TYW1: variants seen among roughly 807,000 people sequenced by gnomAD.
TYW1 encodes S-adenosyl-L-methionine-dependent tRNA 4-demethylwyosine synthase TYW1.
TYW1 carries 46 observed loss-of-function variants against 96.2 expected under a neutral mutation model. The observed-to-expected ratio is 0.48, with a 90% CI of 0.38 to 0.61. The LOEUF is 0.61. Ranked by LOEUF, TYW1 falls within the 20% of genes least tolerant of loss-of-function variation. The pLI, the probability that TYW1 is intolerant of heterozygous loss-of-function variation, is 0.00. For synonymous variants in TYW1, 274 were observed against 323.0 expected (o/e 0.85, Z 1.63); for missense variants, 684 against 909.6 (o/e 0.75, Z 3.19).
At chr7:67,206,622 CATAA>C (rs10622608) in intron 15 of TYW1, among the ~76,000 whole-genome samples, 16,033 of 143,344 alleles carry the variant, frequency 0.11, 974 homozygotes, top group African/African-American at 0.15. Flanking sequence ...CTGTCTCAAA[CATAA>C]ATAAATAAAT....
At chr7:67,073,821 G>GCCCATAAT (rs1210107962) in intron 10 of TYW1, among the ~76,000 whole-genome samples, 9 of 137,518 alleles carry the variant, frequency 6.5e-5, no homozygotes, top group African/African-American at 2.4e-4. Context: ...GGTTGCTCAC[G>GCCCATAAT]CCCATAATCC....
intron 13 of TYW1, among the ~76,000 whole-genome samples, chr7:67,173,801 T>A (rs956351714): frequency 6.9e-6 from 1 of 144,568 alleles, no homozygotes; most frequent in Non-Finnish European, 1.5e-5. Context: ...GTTGAGAAAA[T>A]TTTCCTAGTT....
At chr7:67,141,377 C>T (rs1407004174) in intron 13 of TYW1, among the ~76,000 whole-genome samples, 2 of 152,174 alleles carry the variant, frequency 1.3e-5, no homozygotes, top group African/African-American at 4.8e-5. Flanking sequence ...TTCTAACCAA[C>T]ACGCAAAATA....
At chr7:67,114,300 C>T (rs1176806750) in intron 12 of TYW1, 1 of 154,192 alleles carries the variant, frequency 6.5e-6, no homozygotes, top group Non-Finnish European at 1.5e-5. Flanking sequence ...TTCTTACAAA[C>T]ATAAATCTCT....
chr7:67,023,316 C>T (rs528340538), intron 6 of TYW1, among the ~76,000 whole-genome samples: 5 of 152,078 alleles, frequency 3.3e-5, no homozygotes, highest in East Asian at 2.0e-4. Context: ...AGGCTTGTCT[C>T]GAACTCTTGA....
At chr7:67,007,578 C>T (rs1220363419) in intron 3 of TYW1, among the ~76,000 whole-genome samples, 1 of 152,126 alleles carries the variant, frequency 6.6e-6, no homozygotes, top group Non-Finnish European at 1.5e-5. Context: ...GACGAATATC[C>T]AAACCGTATC....
At chr7:67,023,500 G>T (rs1332339697) in intron 6 of TYW1, among the ~76,000 whole-genome samples, 1 of 152,038 alleles carries the variant, frequency 6.6e-6, no homozygotes, top group African/African-American at 2.4e-5. Context: ...GGGCACGGTG[G>T]CTCACATTTG....
intron 13 of TYW1, among the ~76,000 whole-genome samples, chr7:67,173,167 A>G (rs1235497207): frequency 6.6e-6 from 1 of 152,188 alleles, no homozygotes; most frequent in Non-Finnish European, 1.5e-5. Context: ...ATAGTTTCCA[A>G]AAGAATGTGT....
At chr7:67,095,519 G>T (rs542182922) in intron 11 of TYW1, among the ~76,000 whole-genome samples, 2 of 151,530 alleles carry the variant, frequency 1.3e-5, no homozygotes, top group African/African-American at 4.8e-5. Flanking sequence ...TTAGACAGAC[G>T]TGGTGGTGTG....
chr7:67,231,389 G>A (rs990411933), intron 15 of TYW1, among the ~76,000 whole-genome samples: 1 of 152,172 alleles, frequency 6.6e-6, no homozygotes, highest in Admixed American at 6.5e-5. Context: ...CACCAGCTCT[G>A]TCTTGAGTGA....
At chr7:67,163,707 C>T (rs1412214802) in intron 13 of TYW1, among the ~76,000 whole-genome samples, 4 of 148,314 alleles carry the variant, frequency 2.7e-5, no homozygotes, top group Admixed American at 6.9e-5. Flanking sequence ...CTTGCTCTGT[C>T]GCTCAGGCTG....
At chr7:67,184,149 A>G (rs115668903) in intron 14 of TYW1, among the ~76,000 whole-genome samples, 5,745 of 152,270 alleles carry the variant, frequency 0.038, 325 homozygotes, top group African/African-American at 0.13. Flanking sequence ...AGTTATTCAG[A>G]GTGCTGGGCT....
chr7:67,026,206 G>A (rs1274184616), intron 7 of TYW1, among the ~76,000 whole-genome samples: 4 of 152,076 alleles, frequency 2.6e-5, no homozygotes, highest in Non-Finnish European at 4.4e-5. Context: ...CCGAGTAGCC[G>A]GGACTACAGG....
intron 10 of TYW1, among the ~76,000 whole-genome samples, chr7:67,071,748 G>A (rs984031819): frequency 6.6e-6 from 1 of 152,132 alleles, no homozygotes; most frequent in African/African-American, 2.4e-5. Context: ...AGCCTCCTGA[G>A]TAGCTGGGAT....
chr7:67,138,281 T>A (rs1454634521), intron 13 of TYW1, among the ~76,000 whole-genome samples: 1 of 152,160 alleles, frequency 6.6e-6, no homozygotes, highest in East Asian at 1.9e-4. Flanking sequence ...AAAAAAGTAA[T>A]AATAATAACT....
intron 10 of TYW1, among the ~76,000 whole-genome samples, chr7:67,079,081 A>T (rs1450066425): frequency 6.6e-6 from 1 of 151,838 alleles, no homozygotes; most frequent in East Asian, 1.9e-4. Flanking sequence ...TTTTGTTTTC[A>T]GGGTAATACT....
intron 13 of TYW1, among the ~76,000 whole-genome samples, chr7:67,124,868 C>A (rs1257698355): frequency 6.6e-6 from 1 of 151,584 alleles, no homozygotes; most frequent in Non-Finnish European, 1.5e-5. Flanking sequence ...GAGTTTTGCT[C>A]TTGTTGCCCA....
intron 9 of TYW1, among the ~76,000 whole-genome samples, chr7:67,059,756 T>G (rs937453333): frequency 6.6e-6 from 1 of 151,468 alleles, no homozygotes; most frequent in Non-Finnish European, 1.5e-5. Context: ...GACTGATCAT[T>G]CATCTTGTAG....
chr7:67,060,356 G>A (rs370124139), intron 9 of TYW1, among the ~76,000 whole-genome samples: 19 of 152,248 alleles, frequency 1.2e-4, no homozygotes, highest in East Asian at 9.6e-4. Flanking sequence ...TTATAGGCAT[G>A]AGCCACTGTG....
Sources: gnomAD v4.1 joint callset for allele counts (sites outside exome capture counted in the v4.1 genomes callset) on GRCh38, gnomAD v4.1.1 for gene constraint, MANE v1.5 for transcripts, NCBI Gene and HGNC (gene_info 2026-07-23, HGNC 2026-07-21) for gene names.